PHLDB2: variants seen among roughly 807,000 people sequenced by gnomAD.
The protein encoded by PHLDB2 is pleckstrin homology like domain family B member 2, also known as pleckstrin homology-like domain family B member 2.
A neutral mutation model predicts 123.6 loss-of-function variants in PHLDB2; 71 were observed. That is an observed-to-expected ratio of 0.57 (90% CI 0.47 to 0.70). PHLDB2 has a LOEUF of 0.70. Ranked by LOEUF, PHLDB2 falls within the 30% of genes least tolerant of loss-of-function variation. The pLI is 0.00. For missense variants in PHLDB2, 1,446 were observed against 1,519.5 expected, an observed-to-expected ratio of 0.95 and a Z score of 0.80; for synonymous variants, 547 against 541.6, an observed-to-expected ratio of 1.01 and a Z score of -0.14.
At position 111,761,422 on chromosome 3, in the gene PHLDB2, C is replaced by A. The variant is rs565875772; in HGVS notation, c.-49+28719C>A. Among the ~76,000 whole-genome samples the A allele has an allele frequency of 1.6e-3, 247 of 152,224 alleles. 1 individual carries two copies. Among genetic ancestry groups the A allele is most frequent in the African/African-American group, 5.8e-3 (239 of 41,534 alleles). ...AGTCTCCTTATACACGGCATTGATT[C>A]AGAAAGGAACTGACACTGTTGATGA... On this transcript the variant is annotated intron_variant, in intron 1 of 17. Coordinates refer to the PHLDB2 transcript ENST00000393923.
chr3:111,770,764 C>T (rs959041059), intron 1 of PHLDB2, among the ~76,000 whole-genome samples: 1 of 152,166 alleles, frequency 6.6e-6, no homozygotes, highest in Non-Finnish European at 1.5e-5. Context: ...TCTTACTTCT[C>T]AGTTGAAGAT....
intron 2 of PHLDB2, among the ~76,000 whole-genome samples, chr3:111,846,857 A>G (rs2064015791): frequency 6.6e-6 from 1 of 152,220 alleles, no homozygotes. Flanking sequence ...GACATGGAAA[A>G]TAAAACAGAA....
At chr3:111,821,687 A>C (rs974096524) in intron 1 of PHLDB2, among the ~76,000 whole-genome samples, 3 of 152,228 alleles carry the variant, frequency 2.0e-5, no homozygotes, top group Non-Finnish European at 4.4e-5. Context: ...CATTTGACCA[A>C]ATATCTGGGT....
chr3:111,858,355 C>T (rs1459225607), upstream of PHLDB2, among the ~76,000 whole-genome samples: 1 of 151,952 alleles, frequency 6.6e-6, no homozygotes, highest in Non-Finnish European at 1.5e-5. Flanking sequence ...CTAATGCATG[C>T]GGAGCTTAAA....
intron 1 of PHLDB2, among the ~76,000 whole-genome samples, chr3:111,872,460 T>C (rs2065392514): frequency 6.6e-6 from 1 of 152,152 alleles, no homozygotes; most frequent in Non-Finnish European, 1.5e-5. Flanking sequence ...TCTTGTGTGC[T>C]CTCCCTCACC....
At position 111,975,762 on chromosome 3, in the gene PHLDB2, T is replaced by C. The variant is rs1241641903; in HGVS notation, c.*1199T>C. ...TTATTCTAGTTTATCATGTTTTGCA[T>C]GTTTGAAAGTATGAATGTGCTCTTT... is the stretch of plus-strand genomic sequence containing the variant. On this transcript the variant is annotated 3_prime_UTR_variant, in exon 18 of 18. Coordinates refer to ENST00000431670, the MANE Select transcript of PHLDB2 (RefSeq NM_001134438.2). The C allele has an allele frequency of 6.6e-6, 1 of 152,670 alleles. No individual in the cohort carries two copies. Among genetic ancestry groups the C allele is most frequent in the African/African-American group, 2.4e-5 (1 of 41,468 alleles). The allele number at this position is 152,670 out of a possible 1,614,324, so 9.5% of individuals were successfully genotyped here.
At chr3:111,746,744 G>A (rs985118834) in intron 1 of PHLDB2, among the ~76,000 whole-genome samples, 4 of 152,108 alleles carry the variant, frequency 2.6e-5, no homozygotes, top group South Asian at 4.1e-4. Context: ...ACTCCAGCCT[G>A]GGTGACAGAG....
intron 6 of PHLDB2, among the ~76,000 whole-genome samples, chr3:111,937,579 C>T (rs111552280): frequency 1.3e-5 from 2 of 151,912 alleles, no homozygotes; most frequent in Non-Finnish European, 2.9e-5. Flanking sequence ...AGTTTGAGAC[C>T]AGCCTGGGCA....
chr3:111,959,689 A>G (rs1032694016), intron 12 of PHLDB2, among the ~76,000 whole-genome samples: 2 of 152,202 alleles, frequency 1.3e-5, no homozygotes, highest in Non-Finnish European at 2.9e-5. Context: ...TTCACCTGTA[A>G]GTTCTATTTT....
At chr3:111,830,294 G>T (rs2108468083) in intron 1 of PHLDB2, among the ~76,000 whole-genome samples, 1 of 152,242 alleles carries the variant, frequency 6.6e-6, no homozygotes, top group Middle Eastern at 3.4e-3. Context: ...TGCTTAATAA[G>T]CAGGGAAACT....
At chr3:111,847,954 T>C (rs2108591263) in intron 2 of PHLDB2, among the ~76,000 whole-genome samples, 1 of 152,218 alleles carries the variant, frequency 6.6e-6, no homozygotes, top group South Asian at 2.1e-4. Context: ...GTCCTTTACT[T>C]AATTGTAGAC....
At chr3:111,735,989 C>G (rs770933982) in intron 1 of PHLDB2, among the ~76,000 whole-genome samples, 2 of 152,162 alleles carry the variant, frequency 1.3e-5, no homozygotes, top group Non-Finnish European at 2.9e-5. Context: ...AAAGTTCTTT[C>G]TAAATTATTT....
chr3:111,757,934 A>G (rs1220776835), intron 1 of PHLDB2, among the ~76,000 whole-genome samples: 1 of 152,166 alleles, frequency 6.6e-6, no homozygotes, highest in Non-Finnish European at 1.5e-5. Flanking sequence ...TGAACCGCGA[A>G]TGCTGCTGTC....
At chr3:111,862,095 G>C (rs2064860276) in intron 1 of PHLDB2, among the ~76,000 whole-genome samples, 1 of 152,178 alleles carries the variant, frequency 6.6e-6, no homozygotes, top group African/African-American at 2.4e-5. Flanking sequence ...ACCTGCCTTG[G>C]CCTCCCAAAG....
chr3:111,752,152 C>G (rs1156696922), intron 1 of PHLDB2, among the ~76,000 whole-genome samples: 1 of 152,016 alleles, frequency 6.6e-6, no homozygotes, highest in Admixed American at 6.6e-5. Context: ...TTTTCACCAT[C>G]CCCCACCATC....
intron 1 of PHLDB2, among the ~76,000 whole-genome samples, chr3:111,835,557 A>G (rs2063357915): frequency 6.6e-6 from 1 of 152,194 alleles, no homozygotes; most frequent in African/African-American, 2.4e-5. Context: ...ATTGCAGTGT[A>G]ACAGACACCC....
Position 111,900,301 on chromosome 3 carries a change from T to A in PHLDB2, c.1336-13018T>A, listed in dbSNP as rs944415636. 6.6e-5 allele frequency among the ~76,000 whole-genome samples: 10 copies of A among 152,384 alleles called. No homozygotes were observed. In the East Asian group the frequency reaches 1.7e-3, roughly 26 times the overall value. ...TTGCATTTACAACTTGGCTAATTGGTACAAGAGAGCTCACTTTTGGCCTAT... is the reference window on the plus strand; with the variant it reads ...TTGCATTTACAACTTGGCTAATTGGAACAAGAGAGCTCACTTTTGGCCTAT... On this transcript the variant is annotated intron_variant, in intron 2 of 17. Transcript: ENST00000431670.
chr3:111,918,202 G>A (rs1044919244), intron 3 of PHLDB2, among the ~76,000 whole-genome samples: 1 of 152,142 alleles, frequency 6.6e-6, no homozygotes, highest in African/African-American at 2.4e-5. Flanking sequence ...CTGTGTGTGT[G>A]ATCTACAATA....
At chr3:111,924,290 T>C (rs980033126) in intron 5 of PHLDB2, among the ~76,000 whole-genome samples, 5 of 152,248 alleles carry the variant, frequency 3.3e-5, no homozygotes, top group Non-Finnish European at 7.3e-5. Context: ...GTTTTGAGCC[T>C]ACTAGACATT....
Sources: gnomAD v4.1 joint callset for allele counts (sites outside exome capture counted in the v4.1 genomes callset) on GRCh38, gnomAD v4.1.1 for gene constraint, MANE v1.5 for transcripts, NCBI Gene and HGNC (gene_info 2026-07-23, HGNC 2026-07-21) for gene names.